TECPR2: variants seen among roughly 807,000 people sequenced by gnomAD.
The protein encoded by TECPR2 is tectonin beta-propeller repeat-containing protein 2.
A neutral mutation model predicts 138.1 loss-of-function variants in TECPR2; 65 were observed. The ratio of observed to expected loss-of-function variants is 0.47; its 90% CI spans 0.39 to 0.58. The LOEUF (loss-of-function observed/expected upper bound fraction) is 0.58. Ranked by LOEUF, TECPR2 falls within the 20% of genes least tolerant of loss-of-function variation. The pLI, the probability that TECPR2 is intolerant of heterozygous loss-of-function variation, is 0.00. For missense variants in TECPR2, 1,553 were observed against 1,824.5 expected (o/e 0.85, Z 2.71); for synonymous variants, 746 against 749.8 (o/e 0.99, Z 0.08).
intron 11 of TECPR2, among the ~76,000 whole-genome samples, chr14:102,441,256 G>T (rs575876991): frequency 5.9e-5 from 9 of 151,890 alleles, no homozygotes; most frequent in Admixed American, 3.9e-4. Flanking sequence ...TTTTAGTAGA[G>T]ATGGAGTTTC....
intron 16 of TECPR2, among the ~76,000 whole-genome samples, chr14:102,453,340 C>T (rs1022768050): frequency 6.7e-6 from 1 of 148,576 alleles, no homozygotes; most frequent in Non-Finnish European, 1.5e-5. Context: ...ATTAGGTGGG[C>T]GTGGCAGTGC....
At position 102,401,571 on chromosome 14, in the gene TECPR2, A is replaced by G. The variant is rs571582438; in HGVS notation, c.220-5767A>G. On this transcript the variant is annotated intron_variant, in intron 2 of 19. Transcript: ENST00000359520. ...GAGGCCAGCAGATGACAAGGTCAGG[A>G]GATCGAGACCATCCTGGTTAATATG... 6.6e-5 allele frequency among the ~76,000 whole-genome samples: 10 copies of G among 152,106 alleles called. No individual in the cohort carries two copies. The South Asian group carries it at 1.7e-3, about 25-fold the overall frequency.
intron 7 of TECPR2, among the ~76,000 whole-genome samples, chr14:102,431,536 G>A (rs952052235): frequency 4.7e-4 from 72 of 152,112 alleles, no homozygotes; most frequent in Non-Finnish European, 1.6e-4. Context: ...TAGAGACGGG[G>A]TTTCACTGTG....
Position 102,431,850 on chromosome 14 carries a change from C to T in TECPR2, c.1139C>T (p.Ala380Val), listed in dbSNP as rs757311707. The stretch of plus-strand genomic sequence containing the variant: ...TCAGAGCGTGTCCACGTGCAGCAAG[C>T]GGAGAAGCTGCCAGGGGCCACAGTT... ...GCSERVHVQQ[A>V]EKLPGATVSE... Residue 380 changes from alanine (A) to valine (V), a missense_variant, in exon 8 of 20, where the codon GCG becomes GTG. Ala to Val is a moderately conservative substitution (Grantham distance 64, BLOSUM62 0). Transcript: ENST00000359520. 1.9e-5 allele frequency: 30 copies of T among 1,599,368 alleles called. No homozygotes were observed. The highest frequency in any genetic ancestry group is 2.2e-5 in the East Asian group (1 of 44,450).
rs1206503184 is a variant in TECPR2, at chr14:102,376,934, C to A, written c.213C>A (p.Asn71Lys). 6.2e-7 allele frequency: 1 copy of A among 1,613,078 alleles called. No homozygotes were observed. The highest frequency in any genetic ancestry group is 1.1e-5 in the South Asian group (1 of 90,910). The change falls in exon 2 of 20, where the codon AAC becomes AAA. Residue 71 changes from asparagine (N) to lysine (K), a missense_variant. Coordinates refer to ENST00000359520, the MANE Select transcript of TECPR2 (RefSeq NM_014844.5). ...ACCTCAACCAGATGAGGAAGTACAA[C>A]TTTGAGGTGAGCCTTGCTTTGCTTT... ...CRHLNQMRKY[N>K]FEGKTESITV... is the part of the protein sequence containing the mutation.
At chr14:102,451,055 A>G (rs898147572) in intron 15 of TECPR2, among the ~76,000 whole-genome samples, 6 of 152,206 alleles carry the variant, frequency 3.9e-5, no homozygotes, top group African/African-American at 1.4e-4. Context: ...GCCTCCGGAT[A>G]ACCTAAGTCC....
Position 102,443,649 on chromosome 14 carries a change from C to T in TECPR2, c.2755C>T (p.Leu919=), listed in dbSNP as rs1240997305. The T allele has an allele frequency of 7.0e-6, 11 of 1,577,138 alleles. No homozygotes were observed. The highest frequency in any genetic ancestry group is 6.9e-6 in the Non-Finnish European group (8 of 1,153,902). The change falls in exon 12 of 20, where the codon CTG becomes TTG. Residue 919 remains leucine (L), a splice_region_variant and synonymous_variant. Transcript: ENST00000359520. The surrounding 1 kb of genome is among the most constrained non-coding windows in gnomAD (Gnocchi z 4.9). ...TSGDLYLQTG[L]SVDRPCARAV... is the part of the protein sequence containing the mutation. ...GCTTCTTCCCATCTTCCTGGCAGGT[C>T]TGAGCGTGGATCGCCCTTGTGCCAG...
intron 17 of TECPR2, among the ~76,000 whole-genome samples, chr14:102,478,984 T>G (rs1203026133): frequency 1.5e-5 from 2 of 131,084 alleles, no homozygotes; most frequent in Admixed American, 1.8e-4. Flanking sequence ...GCCACTGCAC[T>G]CCAGCCTGGG....
chr14:102,488,697 C>A (rs1332258014), intron 17 of TECPR2, among the ~76,000 whole-genome samples: 1 of 151,916 alleles, frequency 6.6e-6, no homozygotes. Flanking sequence ...TATAAGAAAT[C>A]CTGAGTACCC....
In TECPR2 at chr14:102,420,224, G is replaced by C. The variant is rs12587464; in HGVS notation, c.639-4755G>C. Among the ~76,000 whole-genome samples the C allele has an allele frequency of 0.27, 40,294 of 152,034 alleles. 6,152 individuals carry two copies. Among genetic ancestry groups the C allele is most frequent in the East Asian group, 0.47 (2,409 of 5,170 alleles). On this transcript the variant is annotated intron_variant, in intron 5 of 19. Coordinates refer to ENST00000359520, the MANE Select transcript of TECPR2 (RefSeq NM_014844.5). This position sits in a 1 kb window ranked among gnomAD's most constrained non-coding sequence, Gnocchi z 4.1. ...TAAAATTTTTTTAGGTAATCAATGA[G>C]GTTTTTGGAAATCATCTCTACCGAA...
At chr14:102,393,431 A>G (rs947616543) in intron 2 of TECPR2, among the ~76,000 whole-genome samples, 8 of 152,224 alleles carry the variant, frequency 5.3e-5, no homozygotes, top group African/African-American at 1.9e-4. Context: ...ATTTATTAAT[A>G]ATCATATTAA....
intron 7 of TECPR2, among the ~76,000 whole-genome samples, chr14:102,430,118 C>G (rs1407478849): frequency 1.3e-5 from 2 of 151,990 alleles, no homozygotes; most frequent in Non-Finnish European, 2.9e-5. Flanking sequence ...AGGTGTGCAC[C>G]ACCACACCAG....
intron 17 of TECPR2, among the ~76,000 whole-genome samples, chr14:102,470,307 ATT>A (rs36013716): frequency 7.2e-4 from 102 of 142,284 alleles, no homozygotes; most frequent in East Asian, 7.1e-3. Context: ...TCTATTCAGA[ATT>A]TTTTTTTTTT....
intron 17 of TECPR2, among the ~76,000 whole-genome samples, chr14:102,495,850 C>T (rs541485064): frequency 3.3e-4 from 51 of 152,294 alleles, no homozygotes; most frequent in African/African-American, 9.1e-4. Flanking sequence ...CCAGAGCAGC[C>T]GGCGGGTGAG....
intron 2 of TECPR2, among the ~76,000 whole-genome samples, chr14:102,406,896 G>T (rs1888673556): frequency 6.6e-6 from 1 of 152,122 alleles, no homozygotes; most frequent in Admixed American, 6.5e-5. Flanking sequence ...GTCTTGCTCT[G>T]TCGCCCAGGC....
Position 102,497,727 on chromosome 14 carries a change from C to G in TECPR2, c.4081+8C>G, listed in dbSNP as rs199845217. The stretch of plus-strand genomic sequence containing the variant: ...GCGTGTCGTGTTTCACAGGCAGGTG[C>G]CCGGGGCCAGTGGGCTTAAGGCCCC... On this transcript the variant is annotated splice_region_variant and intron_variant, in intron 19 of 19. Coordinates refer to ENST00000359520, the MANE Select transcript of TECPR2 (RefSeq NM_014844.5). The G allele has an allele frequency of 4.4e-6, 7 of 1,597,194 alleles. 1 individual carries two copies. The African/African-American group carries it at 5.3e-5, about 12-fold the overall frequency.
chr14:102,471,158 G>A (rs1198631721), intron 17 of TECPR2, among the ~76,000 whole-genome samples: 1 of 151,352 alleles, frequency 6.6e-6, no homozygotes, highest in African/African-American at 2.4e-5. Flanking sequence ...CACTATGTTG[G>A]CCAGGCTGGT....
At chr14:102,406,922 G>T (rs879887101) in intron 2 of TECPR2, among the ~76,000 whole-genome samples, 2 of 152,110 alleles carry the variant, frequency 1.3e-5, no homozygotes, top group African/African-American at 4.8e-5. Context: ...GCAATGGCAC[G>T]ATCTCGGCTC....
intron 16 of TECPR2, among the ~76,000 whole-genome samples, chr14:102,462,912 A>C (rs546652708): frequency 1.3e-5 from 2 of 152,248 alleles, no homozygotes; most frequent in Non-Finnish European, 2.9e-5. Flanking sequence ...GGCACTTCAC[A>C]AAAGAAGATA....
Sources: allele counts gnomAD v4.1 joint callset (sites outside exome capture counted in the v4.1 genomes callset), GRCh38; gene constraint gnomAD v4.1.1; non-coding constraint Gnocchi (gnomAD v3.1); transcripts MANE v1.5; gene names NCBI Gene and HGNC (gene_info 2026-07-23, HGNC 2026-07-21).